RELN: variants seen among roughly 807,000 people sequenced by gnomAD.
RELN encodes reelin.
RELN carries 108 observed loss-of-function variants against 427.6 expected under a neutral mutation model. The observed-to-expected ratio is 0.25, with a 90% confidence interval of 0.22 to 0.30. The LOEUF (loss-of-function observed/expected upper bound fraction) is 0.30, where lower values mean the gene tolerates loss of function less well. Among genes scored for constraint, RELN ranks in the 10% least tolerant of loss-of-function variants. The pLI, the probability that RELN is intolerant of heterozygous loss-of-function variation, is 1.00. For missense variants in RELN, 3,715 were observed against 4,302.8 expected, an observed-to-expected ratio of 0.86 and a Z score of 3.82; for synonymous variants, 1,524 against 1,513.4, an observed-to-expected ratio of 1.01 and a Z score of -0.16.
At chr7:103,551,940 T>C (rs935620432) in intron 40 of RELN, among the ~76,000 whole-genome samples, 2 of 146,348 alleles carry the variant, frequency 1.4e-5, no homozygotes, top group Admixed American at 6.8e-5. Flanking sequence ...TGTGTGTGGG[T>C]GTGTGTGTGT....
At chr7:103,745,774 A>G (rs1790807237) in intron 6 of RELN, among the ~76,000 whole-genome samples, 1 of 151,854 alleles carries the variant, frequency 6.6e-6, no homozygotes, top group African/African-American at 2.4e-5. Flanking sequence ...AGAGGATACA[A>G]ACAAATGGAA....
intron 3 of RELN, among the ~76,000 whole-genome samples, chr7:103,831,672 T>C (rs971818547): frequency 5.9e-5 from 9 of 152,076 alleles, no homozygotes; most frequent in African/African-American, 2.2e-4. Flanking sequence ...AGTTACAGAA[T>C]CTGTAAGGGA....
At chr7:103,561,398 G>C in intron 36 of RELN, 134 bp downstream of exon 36, 1 of 803,260 alleles carries the variant, frequency 1.2e-6, no homozygotes, top group Non-Finnish European at 2.1e-6. Context: ...ACATGGTTTG[G>C]GCTAAAAGTC....
At chr7:103,504,567 T>G (rs1266604685) in intron 51 of RELN, 1 of 152,224 alleles carries the variant, frequency 6.6e-6, no homozygotes, top group Non-Finnish European at 1.5e-5. Context: ...CCGGTTCATC[T>G]CATTGGGACT....
intron 3 of RELN, among the ~76,000 whole-genome samples, chr7:103,827,380 T>C (rs1474838762): frequency 6.6e-6 from 1 of 152,050 alleles, no homozygotes; most frequent in African/African-American, 2.4e-5. Context: ...GGAATAGTTT[T>C]GCCCATTGAA....
intron 7 of RELN, among the ~76,000 whole-genome samples, chr7:103,726,723 G>C (rs1408342939): frequency 6.6e-6 from 1 of 151,974 alleles, no homozygotes; most frequent in Admixed American, 6.6e-5. Context: ...TCTAAAACAG[G>C]CATTTAGTCT....
At chr7:103,533,093 T>G (rs1451242552) in intron 46 of RELN, among the ~76,000 whole-genome samples, 1 of 152,226 alleles carries the variant, frequency 6.6e-6, no homozygotes, top group Non-Finnish European at 1.5e-5. Flanking sequence ...TGACGTCAAT[T>G]TGTGACCAGC....
rs60259062 is a variant in RELN at position 103,926,627 on chromosome 7, G to GTTT, written c.227-9445_227-9443dup. On this transcript the variant is annotated intron_variant, in intron 1 of 64. Transcript: ENST00000428762. ...CGAACGCAGCTCTAAAGTATCATAA[G>GTTT]TTTTTTTTTTTTTTTTTTTTTTTTT... is the stretch of plus-strand genomic sequence containing the variant. Among the ~76,000 whole-genome samples, 513 of 99,352 alleles carry GTTT rather than the reference G, an allele frequency of 5.2e-3. 50 individuals are homozygous for GTTT. The highest frequency in any genetic ancestry group is 7.1e-3 in the African/African-American group (200 of 28,128). 65.2% of individuals were successfully genotyped at this position (99,352 alleles called of 152,430 possible). A position where few individuals can be genotyped will look rare whatever the true frequency, so the allele number is the denominator to read the frequency against.
At chr7:103,549,902 C>T (rs887744281) in intron 41 of RELN, among the ~76,000 whole-genome samples, 11 of 152,292 alleles carry the variant, frequency 7.2e-5, no homozygotes, top group African/African-American at 2.6e-4. Flanking sequence ...GACAAGCTCC[C>T]CACAACCAGT....
chr7:103,658,895 C>T (rs1833078713), intron 12 of RELN, among the ~76,000 whole-genome samples: 1 of 151,848 alleles, frequency 6.6e-6, no homozygotes, highest in African/African-American at 2.4e-5. Context: ...CTCCTGTAGG[C>T]TCCAATGACA....
chr7:103,572,133 G>T, intron 31 of RELN, 51 bp downstream of exon 31: 1 of 1,035,362 alleles, frequency 9.7e-7, no homozygotes, highest in South Asian at 1.3e-5. Flanking sequence ...GAGGATAAAG[G>T]ACTAATCTGC....
intron 2 of RELN, among the ~76,000 whole-genome samples, chr7:103,844,944 C>T (rs1042050488): frequency 6.6e-6 from 1 of 152,142 alleles, no homozygotes; most frequent in African/African-American, 2.4e-5. Context: ...GAAACCCCAG[C>T]CAAAGTAAGG....
intron 36 of RELN, among the ~76,000 whole-genome samples, chr7:103,559,600 G>A (rs73714458): frequency 0.011 from 1,641 of 152,112 alleles, 42 homozygotes; most frequent in African/African-American, 0.038. Context: ...TTAAGAGACA[G>A]AGTCTTGCTC....
intron 28 of RELN, among the ~76,000 whole-genome samples, chr7:103,585,892 T>C (rs1258452997): frequency 2.0e-5 from 3 of 152,208 alleles, no homozygotes; most frequent in South Asian, 2.1e-4. Flanking sequence ...GATGTAAGGA[T>C]AGTTCAACAC....
intron 2 of RELN, among the ~76,000 whole-genome samples, chr7:103,892,644 T>A (rs1254101464): frequency 2.6e-5 from 4 of 152,204 alleles, no homozygotes; most frequent in African/African-American, 9.6e-5. Context: ...TTGTAGTATT[T>A]TATAATCAGG....
intron 6 of RELN, among the ~76,000 whole-genome samples, chr7:103,748,338 T>C (rs1471892492): frequency 6.6e-6 from 1 of 152,082 alleles, no homozygotes; most frequent in East Asian, 1.9e-4. Flanking sequence ...TATTTCTTTC[T>C]AGAAAAGAAA....
At chr7:103,757,946 T>G (rs1172261704) in intron 4 of RELN, among the ~76,000 whole-genome samples, 1 of 152,232 alleles carries the variant, frequency 6.6e-6, no homozygotes, top group East Asian at 1.9e-4. Flanking sequence ...AGGAATCAAG[T>G]GTTTGTATAA....
intron 64 of RELN, among the ~76,000 whole-genome samples, chr7:103,474,806 GAA>G (rs57064398): frequency 0.01 from 1,363 of 135,682 alleles, 18 homozygotes; most frequent in African/African-American, 0.034. Context: ...TTCCTTTTAT[GAA>G]AAAAAAAAAA....
intron 50 of RELN, among the ~76,000 whole-genome samples, chr7:103,511,431 CATTTT>C (rs753095636): frequency 1.4e-4 from 22 of 151,996 alleles, no homozygotes; most frequent in East Asian, 1.4e-3. Flanking sequence ...CTGGGCTGGT[CATTTT>C]ATTTTATTTT....
Sources: gnomAD v4.1 joint callset for allele counts (sites outside exome capture counted in the v4.1 genomes callset) on GRCh38, gnomAD v4.1.1 for gene constraint, MANE v1.5 for transcripts, NCBI Gene and HGNC (gene_info 2026-07-23, HGNC 2026-07-21) for gene names.